Variants in ATP9A observed in about 807,000 individuals in gnomAD.
The protein encoded by ATP9A is probable phospholipid-transporting ATPase IIA.
A neutral mutation model predicts 144.1 loss-of-function variants in ATP9A; 52 were observed. That is an observed-to-expected ratio of 0.36 (90% CI 0.29 to 0.45). ATP9A has a LOEUF of 0.45. Among genes scored for constraint, ATP9A ranks in the 20% least tolerant of loss-of-function variants. The pLI, the probability that ATP9A is intolerant of heterozygous loss-of-function variation, is 1.00. For synonymous variants in ATP9A, 582 were observed against 557.4 expected (o/e 1.04, Z -0.62); for missense variants, 947 against 1,392.7 (o/e 0.68, Z 5.09).
intron 14 of ATP9A, among the ~76,000 whole-genome samples, chr20:51,640,993 C>G (rs1000128085): frequency 3.3e-5 from 5 of 152,038 alleles, no homozygotes; most frequent in Non-Finnish European, 7.4e-5. Flanking sequence ...GGGAGGTTGA[C>G]GCAGGAGGAT....
At chr20:51,632,844 G>A (rs962495779) in intron 15 of ATP9A, among the ~76,000 whole-genome samples, 47 of 152,236 alleles carry the variant, frequency 3.1e-4, no homozygotes, top group African/African-American at 1.1e-3. Context: ...AGAAAAAAGC[G>A]AGGCGCAGTG....
intron 9 of ATP9A, 86 bp from the exon 10 acceptor site, chr20:51,676,294 T>G (rs1484753051): frequency 1.9e-6 from 2 of 1,067,486 alleles, no homozygotes; most frequent in Non-Finnish European, 2.7e-6. Flanking sequence ...CTGATCCTCT[T>G]GAGAGACTGG....
rs771520082 is a variant in ATP9A, at chr20:51,676,203, C to T, written c.805G>A (p.Val269Ile). Residue 269 changes from valine to isoleucine, a missense_variant, in exon 10 of 28, where the codon GTT becomes ATT. Physicochemically the swap from Val to Ile is conservative, Grantham distance 29. Coordinates refer to ENST00000338821, the MANE Select transcript of ATP9A (RefSeq NM_006045.3). ...CCAGTGTAAAGAACAACACCCACAA[C>T]AGTACCTAAAATGGAAAAAAGAAAA... is the stretch of plus-strand genomic sequence containing the variant. ...WAGTVVASGT[V>I]VGVVLYTGRE... 7 of 1,585,570 alleles carry T rather than the reference C, an allele frequency of 4.4e-6. No homozygotes were observed. Among genetic ancestry groups the T allele is most frequent in the African/African-American group, 2.8e-5 (2 of 70,548 alleles).
rs74386390 is a variant in ATP9A, at chr20:51,757,176, C to T, written c.68+11126G>A. Among the ~76,000 whole-genome samples, 1,095 of 152,234 alleles carry T rather than the reference C, an allele frequency of 7.2e-3. 12 individuals carry two copies. Among genetic ancestry groups the T allele is most frequent in the African/African-American group, 0.023 (971 of 41,546 alleles). On this transcript the variant is annotated intron_variant, in intron 1 of 27. Coordinates refer to ENST00000338821, the MANE Select transcript of ATP9A (RefSeq NM_006045.3). ...CAGGGAATCATCAAACCCAAAATAT[C>T]GGCCAGGCGCAGCATATTTTTAGTA... is the stretch of plus-strand genomic sequence containing the variant.
At chr20:51,602,242 GAC>G (rs1204344962) in intron 27 of ATP9A, among the ~76,000 whole-genome samples, 1 of 152,158 alleles carries the variant, frequency 6.6e-6, no homozygotes, top group East Asian at 1.9e-4. Context: ...AGAGAGGAGT[GAC>G]AGTTTGTGGC....
At chr20:51,667,223 A>G (rs899581588) in intron 13 of ATP9A, among the ~76,000 whole-genome samples, 1 of 152,230 alleles carries the variant, frequency 6.6e-6, no homozygotes, top group Non-Finnish European at 1.5e-5. Flanking sequence ...CCAAAAATGA[A>G]CCATAAAAGC....
chr20:51,624,896 T>C (rs1213642443), intron 18 of ATP9A, among the ~76,000 whole-genome samples: 1 of 149,758 alleles, frequency 6.7e-6, no homozygotes, highest in Non-Finnish European at 1.5e-5. Context: ...TCCCAGCTAC[T>C]AGGGAGGATG....
At position 51,608,642 on chromosome 20, in the gene ATP9A, G is replaced by T. The variant is rs578073764; in HGVS notation, c.2637-16C>A. On this transcript the variant is annotated splice_polypyrimidine_tract_variant and intron_variant, in intron 24 of 27. Coordinates refer to ENST00000338821, the MANE Select transcript of ATP9A (RefSeq NM_006045.3). Reference sequence around the variant, plus strand: ...TGTGGAGTACCTGGGAGAGAAAACCGCCATAGGTAAGACCTGGCTGACGCG... The same window carrying T: ...TGTGGAGTACCTGGGAGAGAAAACCTCCATAGGTAAGACCTGGCTGACGCG... 5.6e-4 allele frequency: 865 copies of T among 1,533,310 alleles called. 2 individuals are homozygous for T. Among genetic ancestry groups the T allele is most frequent in the Non-Finnish European group, 7.3e-4 (809 of 1,106,548 alleles). 95.0% of individuals were successfully genotyped at this position (1,533,310 alleles called of 1,614,324 possible).
chr20:51,712,856 G>A (rs1012388117), intron 4 of ATP9A, 110 bp downstream of exon 4: 109 of 935,254 alleles, frequency 1.2e-4, no homozygotes, highest in East Asian at 9.5e-4. Context: ...CGACTGTTCC[G>A]CCACGTGGCA....
intron 1 of ATP9A, among the ~76,000 whole-genome samples, chr20:51,735,527 C>A (rs901347314): frequency 2.6e-5 from 4 of 152,174 alleles, no homozygotes; most frequent in Non-Finnish European, 2.9e-5. Flanking sequence ...TAAGCGCTTA[C>A]CCGGTACAAA....
At chr20:51,702,980 C>T (rs1157434207) in intron 4 of ATP9A, among the ~76,000 whole-genome samples, 1 of 108,278 alleles carries the variant, frequency 9.2e-6, no homozygotes, top group Non-Finnish European at 2.0e-5. Context: ...TTCCCAAGCG[C>T]TCCTTGGTTT....
At chr20:51,609,412 A>T (rs6091340) in intron 24 of ATP9A, among the ~76,000 whole-genome samples, 3 of 151,970 alleles carry the variant, frequency 2.0e-5, no homozygotes, top group Non-Finnish European at 4.4e-5. Context: ...ACCTTCCCGC[A>T]CCCGCCGTCT....
chr20:51,687,535 A>C (rs375968583), intron 9 of ATP9A, among the ~76,000 whole-genome samples: 1 of 152,188 alleles, frequency 6.6e-6, no homozygotes. Context: ...TGGCTGAAGC[A>C]GAAGGATCAC....
intron 11 of ATP9A, among the ~76,000 whole-genome samples, chr20:51,672,606 C>T (rs1032875237): frequency 1.3e-5 from 2 of 151,802 alleles, no homozygotes; most frequent in Non-Finnish European, 2.9e-5. Context: ...AATCTCTGTC[C>T]CCAGAAAAAG....
intron 1 of ATP9A, among the ~76,000 whole-genome samples, chr20:51,745,705 G>C (rs1433335375): frequency 6.6e-6 from 1 of 152,080 alleles, no homozygotes; most frequent in East Asian, 1.9e-4. Context: ...CCCTGCTCTG[G>C]AGCAGCTCTG....
intron 1 of ATP9A, among the ~76,000 whole-genome samples, chr20:51,741,792 G>C (rs1017158812): frequency 6.6e-6 from 1 of 152,114 alleles, no homozygotes; most frequent in African/African-American, 2.4e-5. Flanking sequence ...CCCAGGGTGG[G>C]TATCTGGCAA....
intron 27 of ATP9A, among the ~76,000 whole-genome samples, chr20:51,601,677 G>A (rs958698865): frequency 6.6e-6 from 1 of 152,182 alleles, no homozygotes; most frequent in Non-Finnish European, 1.5e-5. Flanking sequence ...AGGCCAAGGC[G>A]GGCAGAAGAA....
intron 4 of ATP9A, among the ~76,000 whole-genome samples, chr20:51,711,622 T>C (rs746921624): frequency 6.6e-6 from 1 of 152,164 alleles, no homozygotes; most frequent in Non-Finnish European, 1.5e-5. Flanking sequence ...CTTGGCCAGA[T>C]TAGCAAACTT....
intron 13 of ATP9A, among the ~76,000 whole-genome samples, chr20:51,661,139 C>T (rs2077408806): frequency 6.6e-6 from 1 of 152,146 alleles, no homozygotes; most frequent in African/African-American, 2.4e-5. Context: ...ATAAATGAGA[C>T]ACCAAGGCAG....
Sources: allele counts gnomAD v4.1 joint callset (sites outside exome capture counted in the v4.1 genomes callset), GRCh38; gene constraint gnomAD v4.1.1; transcripts MANE v1.5; gene names NCBI Gene and HGNC (gene_info 2026-07-23, HGNC 2026-07-21).